The following SRD5A2 variants were observed in gnomAD, a reference collection of about 807,000 sequenced individuals.
SRD5A2 encodes steroid 5 alpha-reductase 2, also known as 3-oxo-5-alpha-steroid 4-dehydrogenase 2.
In SRD5A2, 30 loss-of-function variants were observed where a neutral mutation model predicts 27.4. That is an observed-to-expected ratio of 1.10 (90% confidence interval 0.82 to 1.49). SRD5A2 has a LOEUF of 1.49. Among genes scored for constraint, SRD5A2 ranks in the 40% most tolerant of loss-of-function variants. The pLI, the probability that SRD5A2 is intolerant of heterozygous loss-of-function variation, is 0.00. For synonymous variants in SRD5A2, 141 were observed against 133.6 expected, an observed-to-expected ratio of 1.06 and a Z score of -0.38; for missense variants, 348 against 323.4, an observed-to-expected ratio of 1.08 and a Z score of -0.58.
chr2:31,571,204 C>G (rs182584414), intron 1 of SRD5A2, among the ~76,000 whole-genome samples: 1 of 152,008 alleles, frequency 6.6e-6, no homozygotes, highest in African/African-American at 2.4e-5. Flanking sequence ...ATAGAGTGCC[C>G]AGAAACAATG....
intron 1 of SRD5A2, among the ~76,000 whole-genome samples, chr2:31,572,912 G>C (rs1016676968): frequency 3.3e-5 from 5 of 152,186 alleles, no homozygotes; most frequent in Non-Finnish European, 7.4e-5. Context: ...AATTGAAAGA[G>C]GCCCAGAGCC....
intron 1 of SRD5A2, among the ~76,000 whole-genome samples, chr2:31,562,785 C>A (rs1666650125): frequency 1.3e-5 from 2 of 152,052 alleles, no homozygotes; most frequent in Admixed American, 6.6e-5. Context: ...ACACAATATA[C>A]CCATGTAACA....
chr2:31,595,408 T>C, the SRD5A2 span, among the ~76,000 whole-genome samples: 2 of 152,052 alleles, frequency 1.3e-5, no homozygotes, highest in Admixed American at 1.3e-4. Context: ...AAAAGATCAT[T>C]CAAGGCTACT....
chr2:31,570,448 C>A (rs1327146970), intron 1 of SRD5A2, among the ~76,000 whole-genome samples: 2 of 152,142 alleles, frequency 1.3e-5, no homozygotes, highest in African/African-American at 4.8e-5. Context: ...TGGAAGCATT[C>A]CCCTTGAAAA....
intron 1 of SRD5A2, among the ~76,000 whole-genome samples, chr2:31,566,649 A>C (rs1040713902): frequency 2.0e-5 from 3 of 152,202 alleles, no homozygotes; most frequent in African/African-American, 7.2e-5. Context: ...GAAAGATGAC[A>C]ATTTCATAAG....
chr2:31,610,752 A>C, the SRD5A2 span, among the ~76,000 whole-genome samples: 4 of 152,194 alleles, frequency 2.6e-5, no homozygotes, highest in Non-Finnish European at 4.4e-5. Context: ...AGATTCCCCC[A>C]AAAACCTATA....
chr2:31,598,500 C>CA, the SRD5A2 span, among the ~76,000 whole-genome samples: 104 of 147,672 alleles, frequency 7.0e-4, 1 homozygote, highest in East Asian at 0.013. Context: ...AAGATAAAAA[C>CA]AAAAAAAAAG....
rs1665720073 is a variant in SRD5A2 at position 31,524,118 on chromosome 2, C to CCA, written c.*2076_*2077dup. Reference sequence around the variant, plus strand: ...GGTTTTGTCCTGAGACTGAGTACTGCCATTTATTGTATATTTATTTCATCT... The same window carrying CCA: ...GGTTTTGTCCTGAGACTGAGTACTGCCACATTTATTGTATATTTATTTCATCT... On this transcript the variant is annotated 3_prime_UTR_variant, in exon 5 of 5. Coordinates refer to ENST00000622030, the MANE Select transcript of SRD5A2 (RefSeq NM_000348.4). 1 of 222,636 alleles carries CCA rather than the reference C, an allele frequency of 4.5e-6. No homozygotes were observed. Among genetic ancestry groups the CCA allele is most frequent in the South Asian group, 1.8e-4 (1 of 5,436 alleles). The allele number at this position is 222,636 out of a possible 1,614,324, so 13.8% of individuals were successfully genotyped here. A position where few individuals can be genotyped will look rare whatever the true frequency, so the allele number is the denominator to read the frequency against.
the SRD5A2 span, among the ~76,000 whole-genome samples, chr2:31,609,990 C>T: frequency 1.5e-4 from 23 of 151,940 alleles, no homozygotes; most frequent in Admixed American, 6.6e-4. Context: ...GAAATCTAAA[C>T]GGACCAATAA....
intron 1 of SRD5A2, among the ~76,000 whole-genome samples, chr2:31,562,205 A>G (rs1666638002): frequency 6.6e-6 from 1 of 152,148 alleles, no homozygotes. Context: ...AGTGCAGCCC[A>G]GGTTTACAGG....
At chr2:31,583,354 A>G (rs1310658143), upstream of SRD5A2, among the ~76,000 whole-genome samples, 2 of 152,230 alleles carry the variant, frequency 1.3e-5, no homozygotes, top group East Asian at 3.8e-4. Flanking sequence ...ATCAAGTCAT[A>G]TGGTGGATTC....
the SRD5A2 span, among the ~76,000 whole-genome samples, chr2:31,622,187 T>C: frequency 4.6e-5 from 7 of 152,220 alleles, no homozygotes; most frequent in Admixed American, 3.9e-4. Flanking sequence ...GTTCTCATCA[T>C]TCAGCTCCCA....
At chr2:31,570,607 G>C (rs1241588999) in intron 1 of SRD5A2, among the ~76,000 whole-genome samples, 1 of 152,160 alleles carries the variant, frequency 6.6e-6, no homozygotes, top group African/African-American at 2.4e-5. Context: ...CAGATGATGT[G>C]ATTCTATACC....
At chr2:31,622,600 T>C in the SRD5A2 span, among the ~76,000 whole-genome samples, 3 of 152,232 alleles carry the variant, frequency 2.0e-5, no homozygotes, top group East Asian at 5.8e-4. Context: ...TGACCAATAC[T>C]GGCTGCAGGC....
At chr2:31,595,490 C>T in the SRD5A2 span, among the ~76,000 whole-genome samples, 1 of 151,996 alleles carries the variant, frequency 6.6e-6, no homozygotes, top group Admixed American at 6.5e-5. Context: ...TACAACCCTC[C>T]CAGATTAAAC....
chr2:31,569,765 A>G (rs2148096789), intron 1 of SRD5A2, among the ~76,000 whole-genome samples: 1 of 152,244 alleles, frequency 6.6e-6, no homozygotes, highest in Non-Finnish European at 1.5e-5. Context: ...TAGACCTGAA[A>G]TTAAAACCTA....
At chr2:31,647,714 T>G in the SRD5A2 span, among the ~76,000 whole-genome samples, 20 of 152,346 alleles carry the variant, frequency 1.3e-4, no homozygotes, top group African/African-American at 4.6e-4. Flanking sequence ...CCAGAAGTGC[T>G]CTGTACATAC....
chr2:31,625,332 T>C, the SRD5A2 span, among the ~76,000 whole-genome samples: 1 of 152,236 alleles, frequency 6.6e-6, no homozygotes, highest in Non-Finnish European at 1.5e-5. Context: ...CTGATGGTAG[T>C]TTCTTTTGCT....
chr2:31,607,464 C>T, the SRD5A2 span, among the ~76,000 whole-genome samples: 2 of 151,574 alleles, frequency 1.3e-5, no homozygotes, highest in Non-Finnish European at 2.9e-5. Flanking sequence ...CATCATAAAA[C>T]CTATAGATGA....
Sources: gnomAD v4.1 joint callset for allele counts (sites outside exome capture counted in the v4.1 genomes callset) on GRCh38, gnomAD v4.1.1 for gene constraint, MANE v1.5 for transcripts, NCBI Gene and HGNC (gene_info 2026-07-23, HGNC 2026-07-21) for gene names.